Variants in PGGT1B observed in about 807,000 individuals in gnomAD.
PGGT1B encodes geranylgeranyl transferase type-1 subunit beta.
Under a neutral mutation model 46.1 loss-of-function variants are expected in PGGT1B, and 30 were observed. The observed-to-expected ratio is 0.65, with a 90% CI of 0.49 to 0.88. PGGT1B has a LOEUF of 0.88. Ranked by LOEUF, PGGT1B falls within the 40% of genes least tolerant of loss-of-function variation. The pLI is 0.00. For synonymous variants in PGGT1B, 170 were observed against 160.0 expected (o/e 1.06, Z -0.47); for missense variants, 376 against 455.9 (o/e 0.82, Z 1.60).
intron 8 of PGGT1B, 43 bp from the exon 9 acceptor site, chr5:115,212,626 T>G: frequency 7.6e-7 from 1 of 1,324,474 alleles, no homozygotes; most frequent in Non-Finnish European, 1.1e-6. Context: ...GCATTCTTAC[T>G]TGTACATTCT....
chr5:115,217,890 A>G (rs1580744827), intron 7 of PGGT1B, among the ~76,000 whole-genome samples: 1 of 152,018 alleles, frequency 6.6e-6, no homozygotes. Context: ...TGAAAAAATT[A>G]TAATAGTAAC....
At chr5:115,230,218 C>G (rs1417137058) in intron 6 of PGGT1B, among the ~76,000 whole-genome samples, 6 of 151,768 alleles carry the variant, frequency 4.0e-5, no homozygotes, top group Admixed American at 1.3e-4. Flanking sequence ...AGGGCTGAGA[C>G]AAGAACACTG....
chr5:115,240,184 C>T (rs568178446), intron 3 of PGGT1B, among the ~76,000 whole-genome samples: 1 of 152,128 alleles, frequency 6.6e-6, no homozygotes, highest in East Asian at 1.9e-4. Flanking sequence ...TATCAGGGTG[C>T]AGGTGAATGA....
chr5:115,220,597 T>G (rs1235751726), intron 7 of PGGT1B, among the ~76,000 whole-genome samples: 1 of 151,964 alleles, frequency 6.6e-6, no homozygotes, highest in African/African-American at 2.4e-5. Context: ...ACTGTTAGTA[T>G]AATGTGCTAT....
chr5:115,230,324 T>C (rs1203721532), intron 6 of PGGT1B, among the ~76,000 whole-genome samples: 1 of 152,126 alleles, frequency 6.6e-6, no homozygotes, highest in Non-Finnish European at 1.5e-5. Flanking sequence ...TGAAATTCAC[T>C]CAGAGAGTCT....
intron 6 of PGGT1B, among the ~76,000 whole-genome samples, chr5:115,227,549 T>C (rs1056444996): frequency 6.6e-6 from 1 of 152,160 alleles, no homozygotes; most frequent in Non-Finnish European, 1.5e-5. Flanking sequence ...CACAGACTTA[T>C]CCACCACAGT....
intron 6 of PGGT1B, among the ~76,000 whole-genome samples, chr5:115,223,114 T>TA (rs970358115): frequency 3.8e-4 from 51 of 133,710 alleles, no homozygotes; most frequent in South Asian, 7.0e-4. Context: ...ACTTAAAGTA[T>TA]AAAAAAAAAA....
At chr5:115,221,014 C>A (rs908116612) in intron 7 of PGGT1B, among the ~76,000 whole-genome samples, 3 of 151,770 alleles carry the variant, frequency 2.0e-5, no homozygotes, top group African/African-American at 7.3e-5. Flanking sequence ...TTCCCACAGT[C>A]CAAAAAAATT....
Position 115,236,393 on chromosome 5 carries a change from A to G in PGGT1B, c.609T>C (p.Ser203=). 1 of 1,590,218 alleles carries G rather than the reference A, an allele frequency of 6.3e-7. No homozygotes were observed. Among genetic ancestry groups the G allele is most frequent in the Non-Finnish European group, 8.5e-7 (1 of 1,171,152 alleles). The part of the protein sequence containing the change: ...MKKAITYIRR[S]MSYDNGLAQG... ...CAATTTTATCAACAGAACTCACCAT[A>G]CTCCTTCTAATATAGGTGATGGCTT... The change falls in exon 5 of 9, where the codon AGT becomes AGC. Residue 203 remains serine (S), a synonymous_variant. Transcript: ENST00000419445.
intron 5 of PGGT1B, 98 bp downstream of exon 5, chr5:115,236,292 A>T: frequency 1.2e-6 from 1 of 869,036 alleles, no homozygotes; most frequent in Non-Finnish European, 1.8e-6. Context: ...GCTCTTATTT[A>T]CAAATTGTTG....
intron 8 of PGGT1B, 27 bp downstream of exon 8, chr5:115,216,838 G>T: frequency 9.0e-7 from 1 of 1,109,274 alleles, no homozygotes; most frequent in Non-Finnish European, 1.4e-6. Flanking sequence ...AATAAAGGTT[G>T]TTCTGATTCA....
chr5:115,252,822 A>G (rs1580779071), intron 2 of PGGT1B: 1 of 205,146 alleles, frequency 4.9e-6, no homozygotes, highest in Non-Finnish European at 9.7e-6. Context: ...AGTTAATGCT[A>G]CAGAACTAAT....
intron 7 of PGGT1B, among the ~76,000 whole-genome samples, chr5:115,220,820 T>TA (rs992155653): frequency 7.2e-5 from 11 of 151,824 alleles, no homozygotes; most frequent in Non-Finnish European, 1.3e-4. Flanking sequence ...GAGATTATAT[T>TA]AAAAAATTTC....
At chr5:115,253,043 A>T in intron 2 of PGGT1B, 94 bp downstream of exon 2, 1 of 1,027,148 alleles carries the variant, frequency 9.7e-7, no homozygotes, top group Non-Finnish European at 1.4e-6. Context: ...AAAATATGTT[A>T]ACAGTATACA....
chr5:115,236,344 A>G (rs374239372), intron 5 of PGGT1B, 46 bp downstream of exon 5: 11 of 1,499,864 alleles, frequency 7.3e-6, no homozygotes, highest in East Asian at 2.4e-5. Flanking sequence ...GCCCTCATGT[A>G]CCAGCAAAAA....
At chr5:115,252,966 C>T (rs1247097352) in intron 2 of PGGT1B, 171 bp downstream of exon 2, 1 of 569,980 alleles carries the variant, frequency 1.8e-6, no homozygotes, top group Non-Finnish European at 3.0e-6. Context: ...AGATTATGAT[C>T]AGATTTGTTA....
rs534865917 is a variant in PGGT1B, at chr5:115,204,879, G to A, written c.*7523C>T. On this transcript the variant is annotated 3_prime_UTR_variant, in exon 9 of 9. Transcript: ENST00000419445. The stretch of plus-strand genomic sequence containing the variant: ...GTCATAAAAGTGAAAAGCATCTTCT[G>A]ATTATTTCCACAAGTTAACCACTGA... The A allele has an allele frequency of 2.6e-5, 4 of 152,250 alleles. No individual in the cohort carries two copies. In the East Asian group the frequency reaches 7.7e-4, roughly 29 times the overall value. 9.4% of individuals were successfully genotyped at this position (152,250 alleles called of 1,614,324 possible). A position where few individuals can be genotyped will look rare whatever the true frequency, so the allele number is the denominator to read the frequency against.
chr5:115,247,960 C>A (rs1365509711), intron 2 of PGGT1B, among the ~76,000 whole-genome samples: 1 of 152,102 alleles, frequency 6.6e-6, no homozygotes. Context: ...TATAATATTT[C>A]CAAAACAGAT....
chr5:115,219,908 T>C (rs1369376259), intron 7 of PGGT1B, among the ~76,000 whole-genome samples: 1 of 151,786 alleles, frequency 6.6e-6, no homozygotes, highest in African/African-American at 2.4e-5. Context: ...GGATGGCTAT[T>C]ATATTAATAT....
Sources: allele counts gnomAD v4.1 joint callset (sites outside exome capture counted in the v4.1 genomes callset), GRCh38; gene constraint gnomAD v4.1.1; transcripts MANE v1.5; gene names NCBI Gene and HGNC (gene_info 2026-07-23, HGNC 2026-07-21).